NRK: variants seen among roughly 807,000 people sequenced by gnomAD.
NRK encodes the protein nik-related protein kinase.
NRK carries 67 observed loss-of-function variants against 125.2 expected under a neutral mutation model. The observed-to-expected ratio is 0.54, with a 90% CI of 0.44 to 0.66. The LOEUF (loss-of-function observed/expected upper bound fraction) is 0.66. Ranked by LOEUF, NRK falls within the 30% of genes least tolerant of loss-of-function variation. The pLI is 0.00. For synonymous variants in NRK, 458 were observed against 429.0 expected (o/e 1.07, Z -0.84); for missense variants, 1,224 against 1,192.9 (o/e 1.03, Z -0.38).
At chrX:105,943,053 CT>C (rs994738637) in intron 23 of NRK, among the ~76,000 whole-genome samples, 2 of 111,728 alleles carry the variant, frequency 1.8e-5, no homozygotes, top group Middle Eastern at 4.7e-3. Flanking sequence ...CCTAATTTAT[CT>C]TTTTTTTCCT....
chrX:105,938,977 A>G (rs750390834), intron 22 of NRK, among the ~76,000 whole-genome samples: 7 of 111,224 alleles, frequency 6.3e-5, no homozygotes, highest in Non-Finnish European at 1.3e-4. Context: ...ATCAGATCAT[A>G]TGAGAACTCA....
Position 105,822,757 on chromosome X carries a change from TCTC to T in NRK, c.-84_-82del. ...CTCTCTCCCGCCCTCCTCCTTCCTC[TCTC>T]CTCCCTTCAACTCTTCATCCGCTTC... is the stretch of plus-strand genomic sequence containing the variant. On this transcript the variant is annotated 5_prime_UTR_variant, in exon 1 of 29. Transcript: ENST00000243300. 1 of 876,581 alleles carries T rather than the reference TCTC, an allele frequency of 1.1e-6. No individual in the cohort carries two copies. The highest frequency in any genetic ancestry group is 1.6e-6 in the Non-Finnish European group (1 of 607,637). The allele number at this position is 876,581 out of a possible 1,213,427, so 72.2% of individuals were successfully genotyped here.
chrX:105,909,904 A>G, intron 13 of NRK, 22 bp downstream of exon 13: 5 of 1,089,181 alleles, frequency 4.6e-6, no homozygotes, highest in Admixed American at 3.6e-5. Context: ...TGATATTTTT[A>G]CTCTGAGTCA....
At chrX:105,926,832 G>A (rs2040529925) in intron 19 of NRK, among the ~76,000 whole-genome samples, 1 of 110,789 alleles carries the variant, frequency 9.0e-6, no homozygotes, top group Non-Finnish European at 1.9e-5. Context: ...TCTATTTATG[G>A]GTCCTTTATA....
chrX:105,909,037 A>G lies in NRK; in HGVS notation c.1396A>G (p.Lys466Glu). The G allele has an allele frequency of 1.7e-6, 2 of 1,209,503 alleles. No homozygotes were observed. Among genetic ancestry groups the G allele is most frequent in the Non-Finnish European group, 2.2e-6 (2 of 894,473 alleles). Residue 466 changes from lysine (K) to glutamate (E), a missense_variant, in exon 13 of 29, where the codon AAG (lysine) becomes GAG (glutamate). By Grantham distance (56) the Lys-to-Glu change is moderately conservative (BLOSUM62 1). Transcript: ENST00000243300. ...KASKPLQMQI[K>E]APPRLRRAAR... Reference sequence around the variant, plus strand: ...CTCTAAACCTCTACAAATGCAGATTAAGGCACCTCCACGACTACGGAGGGC... The same window carrying G: ...CTCTAAACCTCTACAAATGCAGATTGAGGCACCTCCACGACTACGGAGGGC...
At chrX:105,882,329 G>A (rs953641718) in intron 4 of NRK, among the ~76,000 whole-genome samples, 2 of 109,748 alleles carry the variant, frequency 1.8e-5, no homozygotes, top group East Asian at 5.8e-4. Context: ...CAGACATCTG[G>A]TACCATACTT....
At chrX:105,845,485 C>T (rs1349373493) in intron 2 of NRK, among the ~76,000 whole-genome samples, 1 of 111,799 alleles carries the variant, frequency 8.9e-6, no homozygotes, top group Non-Finnish European at 1.9e-5. Context: ...CAAGTTAAAT[C>T]TGATTTTGAT....
Position 105,955,543 on chromosome X carries a change from G to C in NRK, c.4692G>C (p.Arg1564=). The change falls in exon 29 of 29, where the codon CGG becomes CGC. Residue 1564 remains arginine (R), a synonymous_variant. Transcript: ENST00000243300. The part of the protein sequence containing the change: ...FTSTLRNHHS[R]VYFMTLGKLE... Reference sequence around the variant, plus strand: ...CTACCCTGCGCAATCACCACAGCCGGGTTTACTTCATGACACTTGGAAAAC... The same window carrying C: ...CTACCCTGCGCAATCACCACAGCCGCGTTTACTTCATGACACTTGGAAAAC... The C allele has an allele frequency of 8.4e-7, 1 of 1,194,589 alleles. No homozygotes were observed. Among genetic ancestry groups the C allele is most frequent in the African/African-American group, 1.7e-5 (1 of 57,402 alleles).
At position 105,949,524 on chromosome X, in the gene NRK, T is replaced by C. The variant is rs2040862812; in HGVS notation, c.4354-51T>C. 3.0e-6 allele frequency: 3 copies of C among 1,002,354 alleles called. No homozygotes were observed. In the East Asian group the frequency reaches 9.2e-5, roughly 31 times the overall value. 82.6% of individuals were successfully genotyped at this position (1,002,354 alleles called of 1,213,427 possible). A position where few individuals can be genotyped will look rare whatever the true frequency, so the allele number is the denominator to read the frequency against. The stretch of plus-strand genomic sequence containing the variant: ...CTCTGCCAAGCTGCTTCGATTAAAG[T>C]AGTAGTGATAAAATATTGGACATAT... On this transcript the variant is annotated intron_variant, in intron 26 of 28. Transcript: ENST00000243300.
At position 105,908,883 on chromosome X, in the gene NRK, G is replaced by C. The variant is rs763380530; in HGVS notation, c.1242G>C (p.Arg414Ser). The stretch of plus-strand genomic sequence containing the variant: ...TTCAGCAGCTACAGGGAGCAGCCAG[G>C]GTATTCATGCCACTGCAGGCTCTGG... ...QALQQLQGAA[R>S]VFMPLQALDS... is the part of the protein sequence containing the mutation. The change falls in exon 13 of 29, where the codon AGG becomes AGC. Residue 414 changes from arginine (R) to serine (S), a missense_variant. Transcript: ENST00000243300. The C allele has an allele frequency of 5.0e-6, 6 of 1,210,637 alleles. No homozygotes were observed. Among genetic ancestry groups the C allele is most frequent in the Admixed American group, 2.2e-5 (1 of 45,945 alleles).
chrX:105,857,130 A>G (rs1431780057), intron 2 of NRK, among the ~76,000 whole-genome samples: 1 of 111,747 alleles, frequency 8.9e-6, no homozygotes, highest in Non-Finnish European at 1.9e-5. Context: ...AGAAATTTCA[A>G]TTGATTCATT....
At chrX:105,892,836 A>G (rs758530038) in intron 5 of NRK, among the ~76,000 whole-genome samples, 13 of 111,954 alleles carry the variant, frequency 1.2e-4, no homozygotes, top group Middle Eastern at 4.6e-3. Context: ...GAAGATCTTA[A>G]TATTCCACAG....
chrX:105,955,527 G>A lies in NRK; in HGVS notation c.4676G>A (p.Arg1559His), dbSNP rs769426284. The change falls in exon 29 of 29, where the codon CGC (arginine) becomes CAC (histidine). Residue 1559 changes from arginine (R) to histidine (H), a missense_variant. Transcript: ENST00000243300. Reference protein sequence around the residue: ...GDKLFFTSTLRNHHSRVYFMT... With the variant: ...GDKLFFTSTLHNHHSRVYFMT... Reference sequence around the variant, plus strand: ...AAGCTGTTCTTTACCTCTACCCTGCGCAATCACCACAGCCGGGTTTACTTC... The same window carrying A: ...AAGCTGTTCTTTACCTCTACCCTGCACAATCACCACAGCCGGGTTTACTTC... 6.1e-5 allele frequency: 73 copies of A among 1,187,220 alleles called. 1 individual carries two copies. In the Admixed American group the frequency reaches 7.0e-4, roughly 11 times the overall value.
At chrX:105,948,387 T>G (rs1405347507) in intron 26 of NRK, 2 of 196,567 alleles carry the variant, frequency 1.0e-5, no homozygotes, top group Non-Finnish European at 1.8e-5. Flanking sequence ...GGGAGGGGGG[T>G]GTCTTCTGAG....
At chrX:105,823,096 C>A (rs1342445576) in intron 1 of NRK, among the ~76,000 whole-genome samples, 194 bp downstream of exon 1, 1 of 113,058 alleles carries the variant, frequency 8.8e-6, no homozygotes, top group Non-Finnish European at 1.9e-5. Flanking sequence ...CAAACTCCAA[C>A]GAAAGGCAAA....
In NRK at chrX:105,953,283, ATT is replaced by A. The variant is rs1217902701; in HGVS notation, c.4653+115_4653+116del. The A allele has an allele frequency of 6.2e-6, 4 of 640,655 alleles. No individual in the cohort carries two copies. The East Asian group carries it at 1.7e-4, about 27-fold the overall frequency. 52.8% of individuals were successfully genotyped at this position (640,655 alleles called of 1,213,427 possible). ...CTGGCTATAAATATATTTGTGGTAT[ATT>A]TTTTCAAACTGGCATACTATTGATT... On this transcript the variant is annotated intron_variant, in intron 28 of 28. Transcript: ENST00000243300.
rs1456176546 is a variant in NRK, at chrX:105,827,077, A to G, written c.58-3977A>G. On this transcript the variant is annotated intron_variant, in intron 1 of 28. Coordinates refer to ENST00000243300, the MANE Select transcript of NRK (RefSeq NM_198465.4). ...GATGATTCTCACGTAGCGAGAGTCT[A>G]TACAGTCTACAGTTTGAGAAACACT... is the stretch of plus-strand genomic sequence containing the variant. Among the ~76,000 whole-genome samples, 3 of 111,662 alleles carry G rather than the reference A, an allele frequency of 2.7e-5. No individual in the cohort carries two copies. The Admixed American group carries it at 2.9e-4, about 11-fold the overall frequency.
rs147791612 is a variant in NRK, at chrX:105,864,598, A to G, written c.124-15601A>G. ...TACACATACACACACACACACAGAC[A>G]CGCACACATATGTATGGTTCTCAAT... On this transcript the variant is annotated intron_variant, in intron 2 of 28. Coordinates refer to ENST00000243300, the MANE Select transcript of NRK (RefSeq NM_198465.4). 8.7e-4 allele frequency among the ~76,000 whole-genome samples: 97 copies of G among 111,260 alleles called. No individual in the cohort carries two copies. In the East Asian group the frequency reaches 0.016, roughly 18 times the overall value.
rs745851437 is a variant in NRK at position 105,908,787 on chromosome X, T to A, written c.1146T>A (p.Leu382=). The A allele has an allele frequency of 1.1e-5, 13 of 1,210,361 alleles. No individual in the cohort carries two copies. The highest frequency in any genetic ancestry group is 1.5e-5 in the Non-Finnish European group (13 of 894,484). ...CAACCAGCAGCAGATGCAGACCACT[T>A]AGAGTCCTGCATGGGGAACCCTCTC... ...RLPTSSRCRP[L]RVLHGEPSQP... is the part of the protein sequence containing the mutation. Residue 382 remains leucine, a synonymous_variant, in exon 13 of 29, where the codon CTT becomes CTA. Transcript: ENST00000243300.
Sources: allele counts gnomAD v4.1 joint callset (sites outside exome capture counted in the v4.1 genomes callset), GRCh38; gene constraint gnomAD v4.1.1; transcripts MANE v1.5; gene names NCBI Gene and HGNC (gene_info 2026-07-23, HGNC 2026-07-21).